The following NHS variants were observed in gnomAD, a reference collection of about 807,000 sequenced individuals.
NHS encodes actin remodeling regulator NHS.
In NHS, 5 loss-of-function variants were observed where a neutral mutation model predicts 72.5. The observed-to-expected ratio is 0.07, with a 90% CI of 0.04 to 0.14. The LOEUF is 0.14. Ranked by LOEUF, NHS falls within the 10% of genes least tolerant of loss-of-function variation. NHS has a pLI of 1.00. For missense variants in NHS, 1,072 were observed against 1,355.7 expected (o/e 0.79, Z 3.29); for synonymous variants, 464 against 547.7 (o/e 0.85, Z 2.13).
At chrX:17,537,298 A>C (rs2065231010) in intron 1 of NHS, among the ~76,000 whole-genome samples, 1 of 112,462 alleles carries the variant, frequency 8.9e-6, no homozygotes, top group Admixed American at 9.4e-5. Flanking sequence ...AATGTGATCC[A>C]AGCATAATGA....
rs768134707 is a variant in NHS at position 17,716,962 on chromosome X, CTTTTTTTT to C, written c.853-2372_853-2365del. On this transcript the variant is annotated intron_variant, in intron 3 of 8. Coordinates refer to ENST00000676302, the MANE Select transcript of NHS (RefSeq NM_001291867.2). ...TGAGATCTTGAGCATTCCCCTTACT[CTTTTTTTT>C]TTTTTTTTTCCCTCCGAGACAGAGT... Among the ~76,000 whole-genome samples, 3 of 95,488 alleles carry C rather than the reference CTTTTTTTT, an allele frequency of 3.1e-5. No homozygotes were observed. In the South Asian group the frequency reaches 1.4e-3, roughly 46 times the overall value. The allele number at this position is 95,488 out of a possible 115,157, so 82.9% of individuals were successfully genotyped here. A position where few individuals can be genotyped will look rare whatever the true frequency, so the allele number is the denominator to read the frequency against.
chrX:17,681,672 C>A (rs1158693575), intron 1 of NHS, among the ~76,000 whole-genome samples: 1 of 112,179 alleles, frequency 8.9e-6, no homozygotes, highest in African/African-American at 3.2e-5. Flanking sequence ...AGAACCCAGG[C>A]TTCTACTGGT....
intron 1 of NHS, among the ~76,000 whole-genome samples, chrX:17,490,031 G>T (rs766269719): frequency 2.9e-4 from 32 of 111,444 alleles, no homozygotes; most frequent in Middle Eastern, 9.3e-3. Context: ...TTAGCCCTTT[G>T]TCAGATCAAT....
At chrX:17,378,933 G>A in intron 1 of NHS, among the ~76,000 whole-genome samples, 1 of 111,760 alleles carries the variant, frequency 8.9e-6, no homozygotes, top group Non-Finnish European at 1.9e-5. Context: ...TGTTGACAGA[G>A]GTCCTCTGGG....
At position 17,521,366 on chromosome X, in the gene NHS, C is replaced by CTTTTTTTTTTTT. The variant is rs766662277; in HGVS notation, c.565+145046_565+145057dup. Among the ~76,000 whole-genome samples the CTTTTTTTTTTTT allele has an allele frequency of 2.1e-4, 20 of 97,347 alleles. 1 individual carries two copies. Among genetic ancestry groups the CTTTTTTTTTTTT allele is most frequent in the African/African-American group, 8.6e-4 (20 of 23,156 alleles). The allele number at this position is 97,347 out of a possible 115,157, so 84.5% of individuals were successfully genotyped here. On this transcript the variant is annotated intron_variant, in intron 1 of 8. Transcript: ENST00000676302. ...AGTTCTACCTTTTTCTCCCTTCCCTCTTTTTTTTTTTTTGAGACAGGGTCT... is the reference window on the plus strand; with the variant it reads ...AGTTCTACCTTTTTCTCCCTTCCCTCTTTTTTTTTTTTTTTTTTTTTTTTTGAGACAGGGTCT...
chrX:17,642,575 G>A (rs757372684), intron 1 of NHS, among the ~76,000 whole-genome samples: 1 of 111,657 alleles, frequency 9.0e-6, no homozygotes, highest in African/African-American at 3.3e-5. Context: ...GTTAATATTA[G>A]TTCGCTTCTG....
At chrX:17,433,826 A>T (rs770139883) in intron 1 of NHS, among the ~76,000 whole-genome samples, 72 of 112,215 alleles carry the variant, frequency 6.4e-4, no homozygotes, top group Non-Finnish European at 9.4e-4. Context: ...TGTACCCTGA[A>T]GTTTTGGTAA....
rs189703374 is a variant in NHS, at chrX:17,598,951, C to T, written c.566-88791C>T. On this transcript the variant is annotated intron_variant, in intron 1 of 8. Coordinates refer to ENST00000676302, the MANE Select transcript of NHS (RefSeq NM_001291867.2). ...AAGGATAACCCGTATACTGATTTTT[C>T]CTTCATTGATTAGTTTGAACTGTTT... 2.7e-5 allele frequency among the ~76,000 whole-genome samples: 3 copies of T among 111,435 alleles called. No homozygotes were observed. In the East Asian group the frequency reaches 8.5e-4, roughly 31 times the overall value.
In NHS at chrX:17,375,230, C is replaced by G. The variant is rs1174171624; in HGVS notation, c.-528C>G. Reference sequence around the variant, plus strand: ...GCCTTTCCGAAACCTCCTCCCCGCCCAGCCAGGGAGAGAGATCCCGGGCGC... The same window carrying G: ...GCCTTTCCGAAACCTCCTCCCCGCCGAGCCAGGGAGAGAGATCCCGGGCGC... On this transcript the variant is annotated 5_prime_UTR_variant, in exon 1 of 9. Transcript: ENST00000676302. 8.9e-6 allele frequency among the ~76,000 whole-genome samples: 1 copy of G among 112,180 alleles called. No homozygotes were observed. Among genetic ancestry groups the G allele is most frequent in the African/African-American group, 3.2e-5 (1 of 30,855 alleles).
In NHS at chrX:17,414,992, G is replaced by A. The variant is rs534872134; in HGVS notation, c.565+38670G>A. Among the ~76,000 whole-genome samples, 48 of 111,224 alleles carry A rather than the reference G, an allele frequency of 4.3e-4. No individual in the cohort carries two copies. In the South Asian group the frequency reaches 8.1e-3, roughly 19 times the overall value. On this transcript the variant is annotated intron_variant, in intron 1 of 8. Coordinates refer to ENST00000676302, the MANE Select transcript of NHS (RefSeq NM_001291867.2). ...CTTGGCAACACTGCATGGGGGCGGG[G>A]GTTGGCTGGTATCTTGGTACTGAGC...
chrX:17,563,269 T>C (rs1192035693), intron 1 of NHS, among the ~76,000 whole-genome samples: 1 of 112,761 alleles, frequency 8.9e-6, no homozygotes, highest in Non-Finnish European at 1.9e-5. Context: ...GGATGGGCAC[T>C]AGGTCAGGAC....
At chrX:17,635,897 A>G (rs1307597731) in intron 1 of NHS, among the ~76,000 whole-genome samples, 1 of 111,733 alleles carries the variant, frequency 8.9e-6, no homozygotes, top group Non-Finnish European at 1.9e-5. Flanking sequence ...GCATCAAACT[A>G]CCCAAGACAA....
At chrX:17,697,757 A>C (rs2066239500) in intron 3 of NHS, among the ~76,000 whole-genome samples, 1 of 111,759 alleles carries the variant, frequency 8.9e-6, no homozygotes, top group East Asian at 2.8e-4. Context: ...TAAAAATGAG[A>C]GAAGGGAGAG....
chrX:17,613,813 A>G (rs1420447206), intron 1 of NHS, among the ~76,000 whole-genome samples: 1 of 112,224 alleles, frequency 8.9e-6, no homozygotes, highest in East Asian at 2.8e-4. Flanking sequence ...TAAACACAAG[A>G]GACTTGAACT....
At chrX:17,571,285 A>T (rs1391853854) in intron 1 of NHS, among the ~76,000 whole-genome samples, 1 of 112,229 alleles carries the variant, frequency 8.9e-6, no homozygotes, top group African/African-American at 3.3e-5. Context: ...TTCGGCTGTG[A>T]ATCCATCTGG....
At chrX:17,537,863 G>A (rs1030395498) in intron 1 of NHS, among the ~76,000 whole-genome samples, 2 of 111,722 alleles carry the variant, frequency 1.8e-5, no homozygotes, top group African/African-American at 3.3e-5. Context: ...GGAGGCTGGG[G>A]GCACGCGACG....
At chrX:17,465,944 G>A (rs991469293) in intron 1 of NHS, among the ~76,000 whole-genome samples, 7 of 112,779 alleles carry the variant, frequency 6.2e-5, no homozygotes, top group Non-Finnish European at 9.4e-5. Flanking sequence ...GCCTACCTTC[G>A]TTATATAACG....
chrX:17,623,288 C>T (rs1163191462), intron 1 of NHS, among the ~76,000 whole-genome samples: 1 of 111,594 alleles, frequency 9.0e-6, no homozygotes, highest in Non-Finnish European at 1.9e-5. Flanking sequence ...GCTTTCCAAG[C>T]AGGGAGAAGG....
chrX:17,608,377 C>T (rs2065692619), intron 1 of NHS, among the ~76,000 whole-genome samples: 1 of 112,102 alleles, frequency 8.9e-6, no homozygotes, highest in Non-Finnish European at 1.9e-5. Flanking sequence ...GTTGAGTTTC[C>T]ACCCACTGCT....
Sources: allele counts gnomAD v4.1 joint callset (sites outside exome capture counted in the v4.1 genomes callset), GRCh38; gene constraint gnomAD v4.1.1; transcripts MANE v1.5; gene names NCBI Gene and HGNC (gene_info 2026-07-23, HGNC 2026-07-21).